Variants in KCNH4 observed in about 807,000 individuals in gnomAD.
KCNH4 encodes potassium voltage-gated channel subfamily H member 4, also known as voltage-gated delayed rectifier potassium channel KCNH4.
A neutral mutation model predicts 90.7 loss-of-function variants in KCNH4; 33 were observed. The observed-to-expected ratio is 0.36, with a 90% confidence interval of 0.28 to 0.49. The LOEUF (loss-of-function observed/expected upper bound fraction) is 0.49. Ranked by LOEUF, KCNH4 falls within the 20% of genes least tolerant of loss-of-function variation. The pLI, the probability that KCNH4 is intolerant of heterozygous loss-of-function variation, is 0.98. For missense variants in KCNH4, 1,044 were observed against 1,387.1 expected, an observed-to-expected ratio of 0.75 and a Z score of 3.93; for synonymous variants, 551 against 581.7, an observed-to-expected ratio of 0.95 and a Z score of 0.76.
intron 4 of KCNH4, 69 bp downstream of exon 4, chr17:42,178,031 C>T: frequency 6.4e-7 from 1 of 1,566,644 alleles, no homozygotes; most frequent in Non-Finnish European, 8.7e-7. Context: ...AGTGGGGAGA[C>T]AGTGGCAGGG....
intron 11 of KCNH4, among the ~76,000 whole-genome samples, chr17:42,164,532 G>A (rs1016763523): frequency 2.0e-5 from 3 of 152,220 alleles, no homozygotes; most frequent in African/African-American, 7.2e-5. Context: ...GCTGGGCATG[G>A]TGGCTCACGC....
At chr17:42,172,044 G>T (rs2079831151) in intron 6 of KCNH4, 49 bp from the exon 7 acceptor site, 2 of 1,494,312 alleles carry the variant, frequency 1.3e-6, no homozygotes, top group African/African-American at 1.4e-5. Flanking sequence ...CCTCCTCCGA[G>T]CCCTCAGAGT....
At position 42,164,000 on chromosome 17, in the gene KCNH4, A is replaced by C; in HGVS notation, c.2125-42T>G. ...CAGCTGATGTCGCAGGACAGTGAACAACAGACCCCTTCATTAAGTAAGAGC... is the reference window on the plus strand; with the variant it reads ...CAGCTGATGTCGCAGGACAGTGAACCACAGACCCCTTCATTAAGTAAGAGC... On this transcript the variant is annotated intron_variant, in intron 12 of 16. Transcript: ENST00000264661. The surrounding 1 kb of genome is among the most constrained non-coding windows in gnomAD (Gnocchi z 5.4). 3 of 1,502,616 alleles carry C rather than the reference A, an allele frequency of 2.0e-6. No homozygotes were observed. The highest frequency in any genetic ancestry group is 1.8e-6 in the Non-Finnish European group (2 of 1,118,630). 93.1% of individuals were successfully genotyped at this position (1,502,616 alleles called of 1,614,324 possible). A position where few individuals can be genotyped will look rare whatever the true frequency, so the allele number is the denominator to read the frequency against.
chr17:42,178,682 G>T, intron 2 of KCNH4, 111 bp downstream of exon 2: 2 of 1,163,578 alleles, frequency 1.7e-6, no homozygotes, highest in Non-Finnish European at 2.4e-6. Context: ...CTCCGTCACA[G>T]TCAGCTTTTG....
chr17:42,166,870 C>T (rs555887332), intron 9 of KCNH4, among the ~76,000 whole-genome samples: 16 of 152,284 alleles, frequency 1.1e-4, no homozygotes, highest in African/African-American at 2.9e-4. Flanking sequence ...GGAGTCAGCT[C>T]GGCTCCTAAG....
chr17:42,173,234 C>T (rs1013680145), intron 6 of KCNH4, among the ~76,000 whole-genome samples: 6 of 151,926 alleles, frequency 3.9e-5, no homozygotes, highest in African/African-American at 1.5e-4. Context: ...CCCTCATTGC[C>T]CCTTCCTGGG....
At chr17:42,171,573 C>A (rs764891746) in intron 7 of KCNH4, among the ~76,000 whole-genome samples, 2 of 152,086 alleles carry the variant, frequency 1.3e-5, no homozygotes, top group Non-Finnish European at 2.9e-5. Flanking sequence ...GTCTTGCTCC[C>A]CCACTAGGCT....
At chr17:42,161,448 C>T (rs1356786177) in intron 15 of KCNH4, among the ~76,000 whole-genome samples, 3 of 152,158 alleles carry the variant, frequency 2.0e-5, no homozygotes, top group South Asian at 2.1e-4. Context: ...GGTTGCTCTG[C>T]GGTGACAACT....
intron 15 of KCNH4, among the ~76,000 whole-genome samples, 183 bp from the exon 16 acceptor site, chr17:42,160,618 G>A (rs2079739615): frequency 6.6e-6 from 1 of 152,174 alleles, no homozygotes; most frequent in Non-Finnish European, 1.5e-5. Flanking sequence ...GAAAGGATTT[G>A]GGGCAGCAGA....
intron 8 of KCNH4, 72 bp downstream of exon 8, chr17:42,170,035 T>C: frequency 2.1e-6 from 3 of 1,462,962 alleles, no homozygotes; most frequent in Non-Finnish European, 2.8e-6. Context: ...TCTTGCCCTC[T>C]CTGGGCCTCA....
In KCNH4 at chr17:42,165,308, T is replaced by A. The variant is rs1264505661; in HGVS notation, c.2085+141A>T. 6.7e-6 allele frequency: 7 copies of A among 1,049,082 alleles called. No individual in the cohort carries two copies. The African/African-American group carries it at 1.1e-4, about 17-fold the overall frequency. The allele number at this position is 1,049,082 out of a possible 1,614,324, so 65.0% of individuals were successfully genotyped here. A position where few individuals can be genotyped will look rare whatever the true frequency, so the allele number is the denominator to read the frequency against. On this transcript the variant is annotated intron_variant, in intron 11 of 16. Transcript: ENST00000264661. ...GCGGGGTTGGAAGGTATGAAGCAGG[T>A]AAGGGGCAATGGAGGAGGGTGCCTG...
chr17:42,172,741 G>A (rs898408918), intron 6 of KCNH4, among the ~76,000 whole-genome samples: 11 of 152,064 alleles, frequency 7.2e-5, no homozygotes, highest in Middle Eastern at 3.4e-3. Context: ...TCCACCTTGT[G>A]CTCTACAGCC....
chr17:42,180,158 C>G lies in KCNH4; in HGVS notation c.76+712G>C, dbSNP rs1333742492. On this transcript the variant is annotated intron_variant, in intron 1 of 16. Coordinates refer to ENST00000264661, the MANE Select transcript of KCNH4 (RefSeq NM_012285.3). The surrounding 1 kb of genome is among the most constrained non-coding windows in gnomAD (Gnocchi z 4.7). ...TTTCCGCCCTCGGGTACCGCTCCCC[C>G]ACCATCCAGATCCCGGCCAGGGTTC... Among the ~76,000 whole-genome samples the G allele has an allele frequency of 6.6e-6, 1 of 152,324 alleles. No homozygotes were observed. Among genetic ancestry groups the G allele is most frequent in the South Asian group, 2.1e-4 (1 of 4,826 alleles).
chr17:42,163,863 G>A lies in KCNH4; in HGVS notation c.2220C>T (p.Pro740=). The part of the protein sequence containing the change: ...SGAEPGGGPR[P]RRPLLLPNLS... ...GGTTGGGCAGCAGGAGGGGCCGTCG[G>A]GGCCTGGGACCACCCCCAGGCTCCG... is the stretch of plus-strand genomic sequence containing the variant. Residue 740 remains proline, a synonymous_variant, in exon 13 of 17, where the codon CCC becomes CCT. Transcript: ENST00000264661. The surrounding 1 kb of genome is among the most constrained non-coding windows in gnomAD (Gnocchi z 5.4). 2 of 1,516,020 alleles carry A rather than the reference G, an allele frequency of 1.3e-6. No individual in the cohort carries two copies. Among genetic ancestry groups the A allele is most frequent in the East Asian group, 2.4e-5 (1 of 41,180 alleles). The allele number at this position is 1,516,020 out of a possible 1,614,324, so 93.9% of individuals were successfully genotyped here.
At position 42,166,507 on chromosome 17, in the gene KCNH4, C is replaced by G; in HGVS notation, c.1630G>C (p.Ala544Pro). 6.2e-7 allele frequency: 1 copy of G among 1,613,736 alleles called. No homozygotes were observed. Among genetic ancestry groups the G allele is most frequent in the Non-Finnish European group, 8.5e-7 (1 of 1,179,674 alleles). Residue 544 changes from alanine to proline, a missense_variant, in exon 10 of 17, where the codon GCT becomes CCT. By Grantham distance (27) the Ala-to-Pro change is conservative. Transcript: ENST00000264661. ...AGGATCTCCCGATTCAGGTGCATAG[C>G]AATGTCAGCTCTCAGCTCGTCTGGG... ...DFPDELRADI[A>P]MHLNREILQL...
At position 42,175,790 on chromosome 17, in the gene KCNH4, C is replaced by T. The variant is rs150778256; in HGVS notation, c.830-54G>A. The stretch of plus-strand genomic sequence containing the variant: ...GGCCTTGGCAAAGGGGTCAAGAAAC[C>T]GACAAAGCTGGGAACAAGCTTTGGA... On this transcript the variant is annotated intron_variant, in intron 5 of 16. Transcript: ENST00000264661. 367 of 1,600,576 alleles carry T rather than the reference C, an allele frequency of 2.3e-4. 1 individual carries two copies. Among genetic ancestry groups the T allele is most frequent in the Non-Finnish European group, 2.8e-4 (323 of 1,169,166 alleles).
chr17:42,165,819 T>C, intron 10 of KCNH4, 126 bp from the exon 11 acceptor site: 1 of 1,092,700 alleles, frequency 9.2e-7, no homozygotes, highest in East Asian at 2.5e-5. Context: ...GGCCAGTCAA[T>C]GGGATTGGTG....
intron 1 of KCNH4, 41 bp from the exon 2 acceptor site, chr17:42,179,067 G>A (rs769505223): frequency 4.5e-5 from 67 of 1,497,256 alleles, no homozygotes; most frequent in Non-Finnish European, 6.0e-5. Flanking sequence ...AGGCTGGGAG[G>A]CGAGCTAGCT....
chr17:42,168,326 T>G (rs188265075), intron 9 of KCNH4, among the ~76,000 whole-genome samples: 1 of 152,300 alleles, frequency 6.6e-6, no homozygotes, highest in Non-Finnish European at 1.5e-5. Flanking sequence ...CCCTGAGCTC[T>G]TTCATTCCCT....
Sources: gnomAD v4.1 joint callset for allele counts (sites outside exome capture counted in the v4.1 genomes callset) on GRCh38, gnomAD v4.1.1 for gene constraint, Gnocchi (gnomAD v3.1) non-coding constraint, MANE v1.5 for transcripts, NCBI Gene and HGNC (gene_info 2026-07-23, HGNC 2026-07-21) for gene names.